The following ZNF644 variants were observed in gnomAD, a reference collection of about 807,000 sequenced individuals.
ZNF644 encodes the protein zinc finger motif enhancer binding protein 2.
ZNF644 carries 20 observed loss-of-function variants against 108.0 expected under a neutral mutation model. That is an observed-to-expected ratio of 0.19 (90% CI 0.13 to 0.27). The LOEUF (loss-of-function observed/expected upper bound fraction) is 0.27, where lower values mean the gene tolerates loss of function less well. Among genes scored for constraint, ZNF644 ranks in the 10% least tolerant of loss-of-function variants. The pLI, the probability that ZNF644 is intolerant of heterozygous loss-of-function variation, is 1.00. For missense variants in ZNF644, 1,338 were observed against 1,548.9 expected (o/e 0.86, Z 2.29); for synonymous variants, 542 against 539.1 (o/e 1.01, Z -0.08).
At chr1:91,021,257 A>C (rs944294417) in intron 1 of ZNF644, 4 of 152,444 alleles carry the variant, frequency 2.6e-5, no homozygotes, top group Admixed American at 2.0e-4. Context: ...CAACCCAAAC[A>C]CTTCGAGCGA....
intron 2 of ZNF644, among the ~76,000 whole-genome samples, chr1:90,946,896 T>C (rs1652572003): frequency 6.6e-6 from 1 of 152,076 alleles, no homozygotes; most frequent in South Asian, 2.1e-4. Flanking sequence ...TGTTACAAAG[T>C]CAGGTACCAG....
In ZNF644 at chr1:90,978,284, G is replaced by A. The variant is rs114967422; in HGVS notation, c.44+4026C>T. On this transcript the variant is annotated intron_variant, in intron 2 of 5. Transcript: ENST00000337393. ...GGAGAAACGCATGAACTCAGGAGGC[G>A]GAGGTTGCAGGGAGCCAAAATAGTG... 6.9e-3 allele frequency among the ~76,000 whole-genome samples: 1,053 copies of A among 151,954 alleles called. 16 individuals are homozygous for A. The highest frequency in any genetic ancestry group is 0.024 in the African/African-American group (985 of 41,446).
intron 2 of ZNF644, among the ~76,000 whole-genome samples, chr1:90,976,195 C>CT (rs1557620678): frequency 6.6e-6 from 1 of 152,072 alleles, no homozygotes. Flanking sequence ...AAATTCTATT[C>CT]TTTTTTTCAA....
chr1:90,988,852 G>A (rs544108070), intron 1 of ZNF644, among the ~76,000 whole-genome samples: 31 of 152,230 alleles, frequency 2.0e-4, no homozygotes, highest in Admixed American at 1.3e-3. Flanking sequence ...GAATGAAGTC[G>A]GACCCTTACT....
At chr1:90,926,733 A>G (rs1222940851) in intron 4 of ZNF644, among the ~76,000 whole-genome samples, 1 of 152,112 alleles carries the variant, frequency 6.6e-6, no homozygotes, top group African/African-American at 2.4e-5. Flanking sequence ...TATCCTGCTT[A>G]TTTTATTTCC....
intron 1 of ZNF644, chr1:91,020,724 C>T (rs1660826735): frequency 6.6e-6 from 1 of 151,954 alleles, no homozygotes; most frequent in Admixed American, 6.6e-5. Context: ...TCTCATGGGA[C>T]CAAAAAATGT....
intron 2 of ZNF644, among the ~76,000 whole-genome samples, chr1:90,957,602 C>G (rs989509918): frequency 6.6e-6 from 1 of 152,022 alleles, no homozygotes; most frequent in Admixed American, 6.6e-5. Context: ...AAGCAAAACA[C>G]TCAGCAAATG....
chr1:90,918,176 C>A (rs1369830827), intron 4 of ZNF644, 22 bp from the exon 5 acceptor site: 1 of 1,570,144 alleles, frequency 6.4e-7, no homozygotes, highest in African/African-American at 1.4e-5. Context: ...AAGAGAAAGA[C>A]TTAACATTCC....
At chr1:90,942,442 C>T (rs919011915) in intron 2 of ZNF644, among the ~76,000 whole-genome samples, 1 of 152,128 alleles carries the variant, frequency 6.6e-6, no homozygotes, top group Non-Finnish European at 1.5e-5. Context: ...TTGGAAGTAT[C>T]TGCCTTCTTC....
chr1:90,938,304 C>T lies in ZNF644; in HGVS notation c.3050G>A (p.Gly1017Asp), dbSNP rs1192348556. ...AACTCGTTTAACAGGTGTTCCTGTG[C>T]CAGTTCTTTTGAAATGCTGCATTTT... ...SDKMQHFKRT[G>D]TGTPVKRVRK... Residue 1017 changes from glycine to aspartate, a missense_variant, in exon 3 of 6, where the codon GGC becomes GAC. By Grantham distance (94) the Gly-to-Asp change is moderately conservative. This residue lies in a region of ZNF644 where 287 missense variants were observed against 310.9 expected (regional missense o/e 0.92). Transcript: ENST00000337393. The surrounding 1 kb of genome is among the most constrained non-coding windows in gnomAD (Gnocchi z 4.2). The T allele has an allele frequency of 2.5e-6, 4 of 1,613,870 alleles. No individual in the cohort carries two copies. The highest frequency in any genetic ancestry group is 3.4e-6 in the Non-Finnish European group (4 of 1,179,888).
chr1:90,990,691 T>G (rs1017275362), intron 1 of ZNF644, among the ~76,000 whole-genome samples: 2 of 152,094 alleles, frequency 1.3e-5, no homozygotes, highest in African/African-American at 4.8e-5. Context: ...TTAGAGCAAC[T>G]CTGTGTGGAA....
Position 90,939,678 on chromosome 1 carries a change from G to A in ZNF644, c.1676C>T (p.Ser559Phe). ...TTGTGTTTTTCTCTGGGCAATATCA[G>A]AAGTGACCATAGGGCATTTTACCAC... ...GAVVKCPMVT[S>F]DIAQRKTQKK... Residue 559 changes from serine to phenylalanine, a missense_variant, in exon 3 of 6, where the codon TCT becomes TTT. Around this residue, in one of 6 missense-constraint regions of ZNF644, gnomAD observed 462 missense variants for 472.6 expected, o/e 0.98. Transcript: ENST00000337393. 1 of 1,614,000 alleles carries A rather than the reference G, an allele frequency of 6.2e-7. No homozygotes were observed. Among genetic ancestry groups the A allele is most frequent in the Non-Finnish European group, 8.5e-7 (1 of 1,179,948 alleles).
intron 2 of ZNF644, among the ~76,000 whole-genome samples, chr1:90,974,392 T>G (rs958189937): frequency 1.3e-5 from 2 of 152,138 alleles, no homozygotes; most frequent in African/African-American, 4.8e-5. Context: ...TCTCGAGTTA[T>G]AGATAGGTCT....
At chr1:90,993,992 A>G (rs945165339) in intron 1 of ZNF644, among the ~76,000 whole-genome samples, 1 of 152,188 alleles carries the variant, frequency 6.6e-6, no homozygotes, top group African/African-American at 2.4e-5. Context: ...TAGGCACCTG[A>G]ATGGAAGGAT....
chr1:90,982,204 T>C, intron 2 of ZNF644, 106 bp downstream of exon 2: 1 of 929,538 alleles, frequency 1.1e-6, no homozygotes, highest in South Asian at 1.5e-5. Context: ...AAAATTTTAT[T>C]TAAAAACTCT....
intron 1 of ZNF644, among the ~76,000 whole-genome samples, chr1:91,002,913 A>G (rs932093094): frequency 1.3e-5 from 2 of 152,216 alleles, no homozygotes; most frequent in African/African-American, 4.8e-5. Flanking sequence ...TTATGCAGCC[A>G]AAAGACACAT....
At chr1:90,949,004 A>T (rs1652809646) in intron 2 of ZNF644, among the ~76,000 whole-genome samples, 1 of 152,128 alleles carries the variant, frequency 6.6e-6, no homozygotes, top group African/African-American at 2.4e-5. Flanking sequence ...TTAAAGTCTA[A>T]TGAGAAATAG....
intron 2 of ZNF644, among the ~76,000 whole-genome samples, chr1:90,961,588 C>CAA (rs1654348444): frequency 6.6e-6 from 1 of 152,020 alleles, no homozygotes; most frequent in African/African-American, 2.4e-5. Context: ...ATCCAACTGT[C>CAA]TTCTATTAAG....
intron 4 of ZNF644, among the ~76,000 whole-genome samples, chr1:90,934,230 T>G (rs1428012171): frequency 6.6e-6 from 1 of 152,132 alleles, no homozygotes; most frequent in Non-Finnish European, 1.5e-5. Context: ...TCATCCCTGG[T>G]CATTTGTATA....
Sources: gnomAD v4.1 joint callset for allele counts (sites outside exome capture counted in the v4.1 genomes callset) on GRCh38, gnomAD v4.1.1 for gene constraint, gnomAD v4.1.1 regional missense constraint, Gnocchi (gnomAD v3.1) non-coding constraint, MANE v1.5 for transcripts, NCBI Gene and HGNC (gene_info 2026-07-23, HGNC 2026-07-21) for gene names.